The following SDK1 variants were observed in gnomAD, a reference collection of about 807,000 sequenced individuals.
The protein encoded by SDK1 is protein sidekick-1.
In SDK1, 157 loss-of-function variants were observed where a neutral mutation model predicts 245.5. The observed-to-expected ratio is 0.64, with a 90% CI of 0.56 to 0.73. The LOEUF is 0.73. Among genes scored for constraint, SDK1 ranks in the 30% least tolerant of loss-of-function variants. SDK1 has a pLI of 0.00. For synonymous variants in SDK1, 1,647 were observed against 1,278.5 expected, an observed-to-expected ratio of 1.29 and a Z score of -6.15; for missense variants, 3,583 against 3,002.3, an observed-to-expected ratio of 1.19 and a Z score of -4.52.
At chr7:3,840,698 C>T (rs1018111433) in intron 5 of SDK1, among the ~76,000 whole-genome samples, 9 of 152,226 alleles carry the variant, frequency 5.9e-5, no homozygotes, top group South Asian at 2.1e-4. Flanking sequence ...TCACGGACTA[C>T]GCTGGGTAGC....
chr7:3,888,606 TCAC>T (rs1316618011), intron 5 of SDK1, among the ~76,000 whole-genome samples: 1 of 152,212 alleles, frequency 6.6e-6, no homozygotes, highest in African/African-American at 2.4e-5. Context: ...AATAGCAATA[TCAC>T]CACAACAGGA....
At chr7:4,019,052 G>A (rs972151076) in intron 17 of SDK1, among the ~76,000 whole-genome samples, 5 of 152,098 alleles carry the variant, frequency 3.3e-5, no homozygotes, top group Admixed American at 6.5e-5. Context: ...TGCAGTTTCG[G>A]CCCCACAAGC....
At chr7:3,904,910 G>A (rs190542569) in intron 5 of SDK1, among the ~76,000 whole-genome samples, 5 of 151,470 alleles carry the variant, frequency 3.3e-5, no homozygotes, top group Non-Finnish European at 7.4e-5. Flanking sequence ...GGAGAATGGC[G>A]TGAACCCGGG....
intron 7 of SDK1, among the ~76,000 whole-genome samples, chr7:3,957,653 C>A (rs1781381554): frequency 1.3e-5 from 2 of 152,148 alleles, no homozygotes; most frequent in South Asian, 4.1e-4. Flanking sequence ...AGGGCCCTGA[C>A]AGCAGGCAGC....
chr7:3,705,405 T>G (rs1191096449), intron 4 of SDK1, among the ~76,000 whole-genome samples: 3 of 151,398 alleles, frequency 2.0e-5, no homozygotes, highest in Non-Finnish European at 2.9e-5. Flanking sequence ...TTCACCTGCT[T>G]GGTTAAGTAT....
In SDK1 at chr7:4,205,768, A is replaced by G. The variant is rs6974896; in HGVS notation, c.5099-111A>G. On this transcript the variant is annotated intron_variant, in intron 35 of 44. Transcript: ENST00000404826. ...GACGGCCCAGGGAAGAATCTCTCAC[A>G]TGGTTCCCAGCGGAATTAGGGCATG... 2,347 of 867,258 alleles carry G rather than the reference A, an allele frequency of 2.7e-3. 44 individuals are homozygous for G. In the African/African-American group the frequency reaches 0.035, roughly 13 times the overall value. The allele number at this position is 867,258 out of a possible 1,614,324, so 53.7% of individuals were successfully genotyped here.
rs923629586 is a variant in SDK1, at chr7:3,655,328, G to T, written c.713+13223G>T. ...GGTGCTTGTAATCCCAGCTACTCGGGAGGCTGAGGCAGGAGAATCACTTGA... is the reference window on the plus strand; with the variant it reads ...GGTGCTTGTAATCCCAGCTACTCGGTAGGCTGAGGCAGGAGAATCACTTGA... On this transcript the variant is annotated intron_variant, in intron 4 of 44. Coordinates refer to ENST00000404826, the MANE Select transcript of SDK1 (RefSeq NM_152744.4). Among the ~76,000 whole-genome samples the T allele has an allele frequency of 6.0e-5, 9 of 150,832 alleles. No homozygotes were observed. The East Asian group carries it at 1.6e-3, about 26-fold the overall frequency.
At chr7:3,794,451 A>C (rs1007031614) in intron 4 of SDK1, among the ~76,000 whole-genome samples, 13 of 152,178 alleles carry the variant, frequency 8.5e-5, no homozygotes, top group African/African-American at 2.7e-4. Context: ...CTAATCCCCA[A>C]TGTGGCAGTA....
intron 1 of SDK1, among the ~76,000 whole-genome samples, chr7:3,608,051 T>A (rs911616237): frequency 1.3e-5 from 2 of 152,230 alleles, no homozygotes; most frequent in African/African-American, 2.4e-5. Context: ...GTGAGAAAAC[T>A]TCTGGCACCT....
chr7:3,619,289 G>T lies in SDK1; in HGVS notation c.458+50G>T, dbSNP rs114607992. 2.6e-6 allele frequency: 4 copies of T among 1,522,192 alleles called. No homozygotes were observed. The South Asian group carries it at 4.6e-5, about 18-fold the overall frequency. The allele number at this position is 1,522,192 out of a possible 1,614,324, so 94.3% of individuals were successfully genotyped here. On this transcript the variant is annotated intron_variant, in intron 2 of 44. Transcript: ENST00000404826. ...GATCCCATTTCAGTTGATGTGTTTGGAATACTTGCCTTACTGGTCATAATA... is the reference window on the plus strand; with the variant it reads ...GATCCCATTTCAGTTGATGTGTTTGTAATACTTGCCTTACTGGTCATAATA...
At chr7:3,932,711 C>T (rs1030034482) in intron 5 of SDK1, among the ~76,000 whole-genome samples, 3 of 152,216 alleles carry the variant, frequency 2.0e-5, no homozygotes, top group African/African-American at 7.2e-5. Flanking sequence ...TATCGTTCTT[C>T]ACTATCAAAG....
intron 1 of SDK1, among the ~76,000 whole-genome samples, chr7:3,481,325 T>A (rs1393344594): frequency 2.0e-5 from 3 of 152,246 alleles, no homozygotes; most frequent in Non-Finnish European, 4.4e-5. Flanking sequence ...TCTGTTCATC[T>A]GACTGTAGTG....
chr7:3,906,961 A>G (rs1241610708), intron 5 of SDK1, among the ~76,000 whole-genome samples: 2 of 152,056 alleles, frequency 1.3e-5, no homozygotes, highest in Admixed American at 6.6e-5. Context: ...TTTCTAGCGC[A>G]TGCTGTCTTC....
At chr7:4,239,754 G>A (rs759885600) in intron 42 of SDK1, among the ~76,000 whole-genome samples, 15 of 152,180 alleles carry the variant, frequency 9.9e-5, no homozygotes, top group Non-Finnish European at 1.6e-4. Flanking sequence ...CACCACAACC[G>A]CTGGGCCAGA....
intron 4 of SDK1, among the ~76,000 whole-genome samples, chr7:3,656,170 C>A (rs1250932595): frequency 2.6e-5 from 4 of 152,136 alleles, no homozygotes; most frequent in Non-Finnish European, 5.9e-5. Context: ...GTTGGTGATA[C>A]CTTGTAAGTA....
intron 4 of SDK1, among the ~76,000 whole-genome samples, chr7:3,796,846 T>A (rs986425351): frequency 1.3e-5 from 2 of 152,170 alleles, no homozygotes; most frequent in East Asian, 1.9e-4. Flanking sequence ...ACTAAAGTTA[T>A]CAATGTTATA....
intron 5 of SDK1, among the ~76,000 whole-genome samples, chr7:3,845,183 G>A (rs1229625635): frequency 6.6e-6 from 1 of 152,088 alleles, no homozygotes; most frequent in African/African-American, 2.4e-5. Flanking sequence ...AATCTTAATT[G>A]TAGGTTGTTA....
chr7:4,026,469 G>GTGTGCA lies in SDK1; in HGVS notation c.2602+9118_2602+9123dup, dbSNP rs1346827718. Among the ~76,000 whole-genome samples, 1 of 152,222 alleles carries GTGTGCA rather than the reference G, an allele frequency of 6.6e-6. No homozygotes were observed. The highest frequency in any genetic ancestry group is 1.5e-5 in the Non-Finnish European group (1 of 68,046). On this transcript the variant is annotated intron_variant, in intron 17 of 44. Coordinates refer to ENST00000404826, the MANE Select transcript of SDK1 (RefSeq NM_152744.4). This position sits in a 1 kb window ranked among gnomAD's most constrained non-coding sequence, Gnocchi z 4.1. ...AGACGACTGGCTTCACGAGGGCCCG[G>GTGTGCA]TGTGCAGACAGCCTGCCAGGGCCTG...
intron 32 of SDK1, among the ~76,000 whole-genome samples, chr7:4,164,973 A>T (rs1781409535): frequency 6.6e-6 from 1 of 152,230 alleles, no homozygotes; most frequent in Non-Finnish European, 1.5e-5. Flanking sequence ...GAACAAACAG[A>T]ACAAAGAAAA....
Sources: gnomAD v4.1 joint callset for allele counts (sites outside exome capture counted in the v4.1 genomes callset) on GRCh38, gnomAD v4.1.1 for gene constraint, Gnocchi (gnomAD v3.1) non-coding constraint, MANE v1.5 for transcripts, NCBI Gene and HGNC (gene_info 2026-07-23, HGNC 2026-07-21) for gene names.